STOML1: variants seen among roughly 807,000 people sequenced by gnomAD.
STOML1 encodes stomatin-like protein 1.
A neutral mutation model predicts 35.7 loss-of-function variants in STOML1; 27 were observed. That is an observed-to-expected ratio of 0.76 (90% confidence interval 0.56 to 1.04). The LOEUF (loss-of-function observed/expected upper bound fraction) is 1.04. Ranked by LOEUF, STOML1 falls within the 50% of genes least tolerant of loss-of-function variation. The pLI is 0.00. For missense variants in STOML1, 451 were observed against 527.1 expected (o/e 0.86, Z 1.41); for synonymous variants, 219 against 227.9 (o/e 0.96, Z 0.35).
rs557504407 is a variant in STOML1, at chr15:73,989,102, C to T, written c.390+6G>A. On this transcript the variant is annotated splice_donor_region_variant and intron_variant, in intron 3 of 6. Transcript: ENST00000541638. ...CCTCTGTCAAGGCAGCTGAGAAGCCCCTCACCTTGCAGGGAGGGACGTTGA... is the reference window on the plus strand; with the variant it reads ...CCTCTGTCAAGGCAGCTGAGAAGCCTCTCACCTTGCAGGGAGGGACGTTGA... 7.6e-6 allele frequency: 12 copies of T among 1,583,794 alleles called. No individual in the cohort carries two copies. The East Asian group carries it at 9.0e-5, about 12-fold the overall frequency.
rs1035325014 is a variant in STOML1, at chr15:73,992,277, G to C, written c.-54C>G. 1.2e-5 allele frequency: 18 copies of C among 1,548,522 alleles called. No homozygotes were observed. The highest frequency in any genetic ancestry group is 1.6e-5 in the Non-Finnish European group (18 of 1,155,718). On this transcript the variant is annotated 5_prime_UTR_variant, in exon 1 of 7. Coordinates refer to ENST00000541638, the MANE Select transcript of STOML1 (RefSeq NM_004809.5). ...CTCCGCGCGGCGCCCTCCCTGGCCA[G>C]TGGGCCCTACGCGGCCCCGCCCTCC...
At position 73,990,457 on chromosome 15, in the gene STOML1, T is replaced by C. The variant is rs2069236784; in HGVS notation, c.134A>G (p.Asp45Gly). ...GCAGGAGGGCCAGCTCTGGGGTACA[T>C]CTGCAGGTGAGAGCAGAGGTGGTCA... ...PERGGVGTGA[D>G]VPQSWPSCLC... The change falls in exon 2 of 7, where the codon GAT becomes GGT. Residue 45 changes from aspartate (D) to glycine (G), a missense_variant and splice_region_variant. Physicochemically the swap from Asp to Gly is moderately conservative, Grantham distance 94. Coordinates refer to ENST00000541638, the MANE Select transcript of STOML1 (RefSeq NM_004809.5). The C allele has an allele frequency of 1.2e-6, 2 of 1,609,604 alleles. No homozygotes were observed. The highest frequency in any genetic ancestry group is 3.4e-5 in the Admixed American group (2 of 59,554).
At position 73,984,835 on chromosome 15, in the gene STOML1, G is replaced by T. The variant is rs770464828; in HGVS notation, c.827C>A (p.Pro276His). The T allele has an allele frequency of 8.1e-6, 13 of 1,614,108 alleles. No individual in the cohort carries two copies. The Middle Eastern group carries it at 5.0e-4, about 61-fold the overall frequency. ...GGACCTGGCACCAACTTGAGGGGCA[G>T]GTGGCTCAACTTCACTCACCATCTC... is the stretch of plus-strand genomic sequence containing the variant. ...TVEMVSEVEPPAPQVGARSSP... is the reference protein window; with the variant it reads ...TVEMVSEVEPHAPQVGARSSP... Residue 276 changes from proline (P) to histidine (H), a missense_variant, in exon 6 of 7, where the codon CCT (proline) becomes CAT (histidine). Coordinates refer to ENST00000541638, the MANE Select transcript of STOML1 (RefSeq NM_004809.5).
intron 6 of STOML1, 69 bp from the exon 7 acceptor site, chr15:73,984,199 G>A: frequency 6.7e-7 from 1 of 1,492,470 alleles, no homozygotes; most frequent in South Asian, 1.3e-5. Context: ...TATGGGGGTG[G>A]GAGGGGCTGG....
intron 2 of STOML1, among the ~76,000 whole-genome samples, chr15:73,989,642 C>T (rs532449857): frequency 2.1e-4 from 32 of 152,222 alleles, no homozygotes; most frequent in African/African-American, 4.3e-4. Flanking sequence ...ACAGCACCCC[C>T]GGGGAAAGGG....
At chr15:73,989,992 C>A in intron 2 of STOML1, 1 of 217,974 alleles carries the variant, frequency 4.6e-6, no homozygotes, top group Non-Finnish European at 9.3e-6. Context: ...GCCTGAATTC[C>A]TATTATGCAC....
In STOML1 at chr15:73,980,024, T is replaced by G. The variant is rs2068944602; in HGVS notation, c.*3913A>C. On this transcript the variant is annotated 3_prime_UTR_variant, in exon 7 of 7. Transcript: ENST00000541638. ...CTGCACTCCAGCCTGGGAGACAGAG[T>G]GAGACCCTGTCTCAAAACAAACAAA... 1 of 149,062 alleles carries G rather than the reference T, an allele frequency of 6.7e-6. No individual in the cohort carries two copies. Among genetic ancestry groups the G allele is most frequent in the Admixed American group, 6.7e-5 (1 of 14,908 alleles). The allele number at this position is 149,062 out of a possible 1,614,324, so 9.2% of individuals were successfully genotyped here.
chr15:73,993,036 C>T (rs577153392), upstream of STOML1, among the ~76,000 whole-genome samples: 15 of 152,268 alleles, frequency 9.9e-5, no homozygotes, highest in South Asian at 2.9e-3. Flanking sequence ...GCCAGGTCAC[C>T]GTGATCAAGG....
In STOML1 at chr15:73,984,836, G is replaced by A. The variant is rs2069039047; in HGVS notation, c.826C>T (p.Pro276Ser). 6.2e-7 allele frequency: 1 copy of A among 1,614,012 alleles called. No individual in the cohort carries two copies. The highest frequency in any genetic ancestry group is 8.5e-7 in the Non-Finnish European group (1 of 1,180,038). The change falls in exon 6 of 7, where the codon CCT (proline) becomes TCT (serine). Residue 276 changes from proline (P) to serine (S), a missense_variant. Pro to Ser is a moderately conservative substitution (Grantham distance 74). Coordinates refer to ENST00000541638, the MANE Select transcript of STOML1 (RefSeq NM_004809.5). ...TVEMVSEVEP[P>S]APQVGARSSP... ...GACCTGGCACCAACTTGAGGGGCAGGTGGCTCAACTTCACTCACCATCTCC... is the reference window on the plus strand; with the variant it reads ...GACCTGGCACCAACTTGAGGGGCAGATGGCTCAACTTCACTCACCATCTCC...
chr15:73,979,611 C>G lies in STOML1; in HGVS notation c.*4326G>C, dbSNP rs544740766. 2 of 152,374 alleles carry G rather than the reference C, an allele frequency of 1.3e-5. 1 individual carries two copies. The highest frequency in any genetic ancestry group is 4.1e-4 in the South Asian group (2 of 4,832). The allele number at this position is 152,374 out of a possible 1,614,324, so 9.4% of individuals were successfully genotyped here. A position where few individuals can be genotyped will look rare whatever the true frequency, so the allele number is the denominator to read the frequency against. ...AGGTGATCCACCTGCCTCGGCCTCC[C>G]AAAGTGCTGGGATTAGAGGCGCAAG... is the stretch of plus-strand genomic sequence containing the variant. On this transcript the variant is annotated 3_prime_UTR_variant, in exon 7 of 7. Transcript: ENST00000541638.
intron 1 of STOML1, chr15:73,991,540 G>A (rs2069276055): frequency 4.4e-6 from 2 of 455,956 alleles, no homozygotes; most frequent in South Asian, 1.5e-5. Context: ...GCTGAACAGC[G>A]TGGGATCTGG....
chr15:73,990,607 G>A lies in STOML1; in HGVS notation c.134-150C>T, dbSNP rs1316199933. 25 of 898,780 alleles carry A rather than the reference G, an allele frequency of 2.8e-5. No homozygotes were observed. In the East Asian group the frequency reaches 4.2e-4, roughly 15 times the overall value. The allele number at this position is 898,780 out of a possible 1,614,324, so 55.7% of individuals were successfully genotyped here. A position where few individuals can be genotyped will look rare whatever the true frequency, so the allele number is the denominator to read the frequency against. On this transcript the variant is annotated intron_variant, in intron 1 of 6. Transcript: ENST00000541638. ...ATCTGGCTCCTTGCCTAATATTCCC[G>A]TATCTTTGGGCAGCTGCAAGTTAGG...
intron 1 of STOML1, chr15:73,990,978 G>GA: frequency 7.0e-7 from 1 of 1,437,464 alleles, no homozygotes; most frequent in Non-Finnish European, 9.1e-7. Flanking sequence ...GCTTATCAAC[G>GA]GGAGCCACAG....
chr15:73,989,796 A>C (rs2069209855), intron 2 of STOML1, among the ~76,000 whole-genome samples: 3 of 152,180 alleles, frequency 2.0e-5, no homozygotes, highest in Non-Finnish European at 4.4e-5. Flanking sequence ...ATATAAGGCC[A>C]TTTAAGGACC....
chr15:73,990,706 G>T, intron 1 of STOML1: 1 of 1,225,366 alleles, frequency 8.2e-7, no homozygotes, highest in Non-Finnish European at 1.2e-6. Context: ...CTTATTCTCT[G>T]CTAGGCAACA....
intron 5 of STOML1, among the ~76,000 whole-genome samples, chr15:73,985,076 C>T (rs1339752654): frequency 6.6e-6 from 1 of 152,188 alleles, no homozygotes; most frequent in African/African-American, 2.4e-5. Flanking sequence ...TAAACTACTC[C>T]AGCCTCAGAT....
At chr15:73,984,562 G>A in intron 6 of STOML1, 97 bp downstream of exon 6, 1 of 1,404,006 alleles carries the variant, frequency 7.1e-7, no homozygotes, top group Non-Finnish European at 9.8e-7. Flanking sequence ...CAAATTATTG[G>A]CAGGAGCAGG....
rs35485671 is a variant in STOML1 at position 73,989,174 on chromosome 15, C to T, written c.324G>A (p.Leu108=). 608 of 1,613,158 alleles carry T rather than the reference C, an allele frequency of 3.8e-4. 5 individuals carry two copies. In the African/African-American group the frequency reaches 7.6e-3, roughly 20 times the overall value. The part of the protein sequence containing the change: ...TPQGPGMVLL[L]PFIDSFQRVD... Reference sequence around the variant, plus strand: ...CCCTCTGAAAGGAGTCAATGAAGGGCAAGAGCAGAACCATGCCAGGTCCCT... The same window carrying T: ...CCCTCTGAAAGGAGTCAATGAAGGGTAAGAGCAGAACCATGCCAGGTCCCT... Residue 108 remains leucine, a synonymous_variant, in exon 3 of 7, where the codon TTG becomes TTA. Transcript: ENST00000541638.
Position 73,984,111 on chromosome 15 carries a change from G to T in STOML1, c.1023C>A (p.His341Gln). The change falls in exon 7 of 7, where the codon CAC becomes CAA. Residue 341 changes from histidine to glutamine, a missense_variant. By Grantham distance (24) the His-to-Gln change is conservative. Coordinates refer to ENST00000541638, the MANE Select transcript of STOML1 (RefSeq NM_004809.5). ...DLTTGRGRVGHGVPDGIPDVV... is the reference protein window; with the variant it reads ...DLTTGRGRVGQGVPDGIPDVV... ...CATCAGGGATGCCATCAGGCACCCC[G>T]TGTCCCACTCTTCCTCGTCCTGTGG... The T allele has an allele frequency of 6.2e-7, 1 of 1,613,078 alleles. No individual in the cohort carries two copies. The highest frequency in any genetic ancestry group is 1.1e-5 in the South Asian group (1 of 91,062).
Sources: allele counts gnomAD v4.1 joint callset (sites outside exome capture counted in the v4.1 genomes callset), GRCh38; gene constraint gnomAD v4.1.1; transcripts MANE v1.5; gene names NCBI Gene and HGNC (gene_info 2026-07-23, HGNC 2026-07-21).